Variants in DMBT1 observed in about 807,000 individuals in gnomAD.
DMBT1 encodes the protein deleted in malignant brain tumors 1.
A neutral mutation model predicts 252.9 loss-of-function variants in DMBT1; 198 were observed. The ratio of observed to expected loss-of-function variants is 0.78; its 90% CI spans 0.70 to 0.88. The LOEUF (loss-of-function observed/expected upper bound fraction) is 0.88. DMBT1 is among the 40% of genes least tolerant of loss of function. The pLI is 0.00. For synonymous variants in DMBT1, 990 were observed against 942.7 expected, an observed-to-expected ratio of 1.05 and a Z score of -0.92; for missense variants, 2,432 against 2,404.7, an observed-to-expected ratio of 1.01 and a Z score of -0.24.
rs532636144 is a variant in DMBT1 at position 122,593,396 on chromosome 10, G to A, written c.2501-173G>A. Among the ~76,000 whole-genome samples, 85 of 148,124 alleles carry A rather than the reference G, an allele frequency of 5.7e-4. 2 individuals carry two copies. The highest frequency in any genetic ancestry group is 1.7e-3 in the African/African-American group (68 of 41,174). ...TGGCAATAGTGGAAGGATCTGCCTC[G>A]ACCCCTTACACGGTGCATCTCTGTG... On this transcript the variant is annotated intron_variant, in intron 20 of 55. Transcript: ENST00000338354.
chr10:122,600,209 C>G (rs1422938707), intron 27 of DMBT1, 116 bp downstream of exon 27: 3 of 1,394,364 alleles, frequency 2.2e-6, no homozygotes, highest in Admixed American at 2.2e-5. Flanking sequence ...CATATTATTT[C>G]TACCCCCAAC....
At chr10:122,619,433 T>C (rs1371151107) in intron 42 of DMBT1, 96 bp downstream of exon 42, 4 of 1,517,388 alleles carry the variant, frequency 2.6e-6, no homozygotes, top group Non-Finnish European at 3.6e-6. Context: ...TCTGTGCGGA[T>C]ACTGTGGGGC....
intron 17 of DMBT1, among the ~76,000 whole-genome samples, chr10:122,590,260 G>C (rs192466487): frequency 1.3e-5 from 2 of 149,184 alleles, no homozygotes; most frequent in Admixed American, 6.6e-5. Flanking sequence ...CACCAGTCAG[G>C]TGTAGGGCGG....
chr10:122,574,347 G>A (rs1344326895), intron 6 of DMBT1, among the ~76,000 whole-genome samples: 1 of 152,198 alleles, frequency 6.6e-6, no homozygotes, highest in Non-Finnish European at 1.5e-5. Flanking sequence ...GCTTTGGGAA[G>A]GGAAGTCACT....
At chr10:122,562,614 A>T (rs1172559528) in intron 1 of DMBT1, among the ~76,000 whole-genome samples, 1 of 152,218 alleles carries the variant, frequency 6.6e-6, no homozygotes. Context: ...CACATCAGCC[A>T]CTGTAGACAG....
chr10:122,597,953 T>C, intron 24 of DMBT1, 21 bp from the exon 25 acceptor site: 1 of 1,613,904 alleles, frequency 6.2e-7, no homozygotes, highest in Non-Finnish European at 8.5e-7. Context: ...ATTCTAGCCT[T>C]TGTCTCTGTT....
intron 44 of DMBT1, among the ~76,000 whole-genome samples, chr10:122,622,411 A>T (rs1175927230): frequency 6.6e-6 from 1 of 152,258 alleles, no homozygotes; most frequent in African/African-American, 2.4e-5. Context: ...TGTCTCAGTT[A>T]TCCAGAATGT....
chr10:122,588,003 G>A lies in DMBT1; in HGVS notation c.1784-941G>A, dbSNP rs766962835. Among the ~76,000 whole-genome samples the A allele has an allele frequency of 2.6e-4, 39 of 148,658 alleles. 4 individuals are homozygous for A. The highest frequency in any genetic ancestry group is 4.5e-4 in the Non-Finnish European group (30 of 66,732). ...GAAGAGTTGGGCAGACACATGGGGAGCAAGTGGCAAAAACCAGAAATCCAG... is the reference window on the plus strand; with the variant it reads ...GAAGAGTTGGGCAGACACATGGGGAACAAGTGGCAAAAACCAGAAATCCAG... On this transcript the variant is annotated intron_variant, in intron 16 of 55. Transcript: ENST00000338354.
At chr10:122,617,888 A>C (rs1002693857) in intron 40 of DMBT1, 129 bp from the exon 41 acceptor site, 1 of 1,469,134 alleles carries the variant, frequency 6.8e-7, no homozygotes, top group Non-Finnish European at 9.3e-7. Flanking sequence ...CTCCGGTAGC[A>C]GTTGTATGCA....
In DMBT1 at chr10:122,618,278, C is replaced by T; in HGVS notation, c.5153C>T (p.Pro1718Leu). 1 of 1,613,778 alleles carries T rather than the reference C, an allele frequency of 6.2e-7. No homozygotes were observed. The highest frequency in any genetic ancestry group is 8.5e-7 in the Non-Finnish European group (1 of 1,179,770). ...SGHESYLWSC[P>L]HNGWLSHNCG... Reference sequence around the variant, plus strand: ...CACGAGTCTTACCTGTGGAGCTGCCCCCACAATGGCTGGCTCTCCCACAAC... The same window carrying T: ...CACGAGTCTTACCTGTGGAGCTGCCTCCACAATGGCTGGCTCTCCCACAAC... Residue 1718 changes from proline (P) to leucine (L), a missense_variant, in exon 41 of 56, where the codon CCC becomes CTC. By Grantham distance (98) the Pro-to-Leu change is moderately conservative. This residue lies in a region of DMBT1 where 1,162 missense variants were observed against 1,169.0 expected (regional missense o/e 0.99). Transcript: ENST00000338354.
chr10:122,600,811 A>G (rs892493707), intron 27 of DMBT1, among the ~76,000 whole-genome samples, 180 bp from the exon 28 acceptor site: 1 of 152,198 alleles, frequency 6.6e-6, no homozygotes, highest in African/African-American at 2.4e-5. Flanking sequence ...GGTCTCCAGC[A>G]GGACCTTTGT....
chr10:122,587,083 A>G lies in DMBT1; in HGVS notation c.1783+700A>G, dbSNP rs529262178. The stretch of plus-strand genomic sequence containing the variant: ...ACATGGCACATCAAGCCTCACCTCT[A>G]TACTTGGGGATCCAATCCCAACATG... On this transcript the variant is annotated intron_variant, in intron 16 of 55. Transcript: ENST00000338354. Among the ~76,000 whole-genome samples, 78 of 148,528 alleles carry G rather than the reference A, an allele frequency of 5.3e-4. 1 individual carries two copies. Among genetic ancestry groups the G allele is most frequent in the African/African-American group, 1.8e-3 (76 of 41,182 alleles).
chr10:122,628,279 A>G (rs960530567), intron 46 of DMBT1, among the ~76,000 whole-genome samples: 2 of 152,248 alleles, frequency 1.3e-5, no homozygotes, highest in Admixed American at 1.3e-4. Context: ...AATGTCCATC[A>G]TGGTGAATCG....
At position 122,637,279 on chromosome 10, in the gene DMBT1, A is replaced by T; in HGVS notation, c.6909A>T (p.Thr2303=). The T allele has an allele frequency of 6.2e-7, 1 of 1,613,428 alleles. No individual in the cohort carries two copies. The highest frequency in any genetic ancestry group is 2.2e-5 in the East Asian group (1 of 44,868). ...PQITPNLVIF[T]IPYSGCGTFK... The stretch of plus-strand genomic sequence containing the variant: ...TAACGCCGAACCTGGTGATATTCAC[A>T]ATTCCCTACTCAGGCTGCGGCACCT... Residue 2303 remains threonine (T), a synonymous_variant, in exon 54 of 56, where the codon ACA becomes ACT. Coordinates refer to ENST00000338354, the MANE Select transcript of DMBT1 (RefSeq NM_001377530.1).
At position 122,618,000 on chromosome 10, in the gene DMBT1, C is replaced by T. The variant is rs1397175994; in HGVS notation, c.4892-17C>T. 1.2e-6 allele frequency: 2 copies of T among 1,611,950 alleles called. No homozygotes were observed. On this transcript the variant is annotated splice_polypyrimidine_tract_variant and intron_variant, in intron 40 of 55. Coordinates refer to ENST00000338354, the MANE Select transcript of DMBT1 (RefSeq NM_001377530.1). ...TCCTGGTGGGGATGGATGAAGGGTT[C>T]TTGTGTTCCCCTGTAGGATCTGAAT...
rs1361886963 is a variant in DMBT1, at chr10:122,601,026, A to C, written c.3343+3A>C. On this transcript the variant is annotated splice_donor_region_variant and intron_variant, in intron 28 of 55. Coordinates refer to ENST00000338354, the MANE Select transcript of DMBT1 (RefSeq NM_001377530.1). The stretch of plus-strand genomic sequence containing the variant: ...AACCTCACATGCATCAACAGCAGGT[A>C]AATAATCCTCTCACCCCTCCCTAGG... 2.1e-6 allele frequency: 2 copies of C among 949,978 alleles called. No homozygotes were observed. The highest frequency in any genetic ancestry group is 3.3e-6 in the Non-Finnish European group (2 of 604,108). 58.8% of individuals were successfully genotyped at this position (949,978 alleles called of 1,614,324 possible).
intron 2 of DMBT1, among the ~76,000 whole-genome samples, chr10:122,569,667 C>T (rs572066448): frequency 6.6e-6 from 1 of 152,354 alleles, no homozygotes; most frequent in African/African-American, 2.4e-5. Context: ...GCAAGTGGGA[C>T]TGGACTCCCC....
intron 10 of DMBT1, among the ~76,000 whole-genome samples, chr10:122,580,235 C>T (rs191992651): frequency 6.6e-6 from 1 of 152,304 alleles, no homozygotes; most frequent in East Asian, 1.9e-4. Flanking sequence ...GCACAGACAG[C>T]AAGGCAGGGG....
Position 122,621,345 on chromosome 10 carries a change from G to A in DMBT1, c.5573G>A (p.Cys1858Tyr). Residue 1858 changes from cysteine to tyrosine, a missense_variant, in exon 44 of 56, where the codon TGT (cysteine) becomes TAT (tyrosine). By Grantham distance (194) the Cys-to-Tyr change is radical. This residue lies in a region of DMBT1 where 1,162 missense variants were observed against 1,169.0 expected (regional missense o/e 0.99). Coordinates refer to ENST00000338354, the MANE Select transcript of DMBT1 (RefSeq NM_001377530.1). ...CPHKGWLTHN[C>Y]GHHEDAGVIC... is the part of the protein sequence containing the mutation. ...CACAAAGGCTGGCTCACCCACAACTGTGGCCATCACGAAGACGCTGGTGTC... is the reference window on the plus strand; with the variant it reads ...CACAAAGGCTGGCTCACCCACAACTATGGCCATCACGAAGACGCTGGTGTC... 1 of 1,613,868 alleles carries A rather than the reference G, an allele frequency of 6.2e-7. No individual in the cohort carries two copies. The highest frequency in any genetic ancestry group is 8.5e-7 in the Non-Finnish European group (1 of 1,179,760).
Sources: allele counts gnomAD v4.1 joint callset (sites outside exome capture counted in the v4.1 genomes callset), GRCh38; gene constraint gnomAD v4.1.1; regional missense constraint gnomAD v4.1.1; transcripts MANE v1.5; gene names NCBI Gene and HGNC (gene_info 2026-07-23, HGNC 2026-07-21).